The following BCL2L13 variants were observed in gnomAD, a reference collection of about 807,000 sequenced individuals.
BCL2L13 encodes bcl-2-like protein 13.
In BCL2L13, 13 loss-of-function variants were observed where a neutral mutation model predicts 25.8. The ratio of observed to expected loss-of-function variants is 0.50; its 90% CI spans 0.33 to 0.80. The LOEUF is 0.80. Ranked by LOEUF, BCL2L13 falls within the 30% of genes least tolerant of loss-of-function variation. The pLI, the probability that BCL2L13 is intolerant of heterozygous loss-of-function variation, is 0.02. For missense variants in BCL2L13, 504 were observed against 574.9 expected, an observed-to-expected ratio of 0.88 and a Z score of 1.26; for synonymous variants, 244 against 230.3, an observed-to-expected ratio of 1.06 and a Z score of -0.54.
intron 6 of BCL2L13, among the ~76,000 whole-genome samples, chr22:17,714,850 T>C (rs965606925): frequency 3.9e-5 from 6 of 151,944 alleles, no homozygotes; most frequent in Admixed American, 6.6e-5. Context: ...GTACACGTTA[T>C]GTTGCACATA....
At chr22:17,651,529 C>T (rs1428068283) in intron 1 of BCL2L13, among the ~76,000 whole-genome samples, 1 of 150,196 alleles carries the variant, frequency 6.7e-6, no homozygotes, top group Non-Finnish European at 1.5e-5. Flanking sequence ...TTACAGGTGC[C>T]TGCCACTGTG....
Position 17,655,300 on chromosome 22 carries a change from C to CTT in BCL2L13, c.-50-348_-50-347dup, listed in dbSNP as rs71201856. On this transcript the variant is annotated intron_variant, in intron 1 of 6. Coordinates refer to ENST00000317582, the MANE Select transcript of BCL2L13 (RefSeq NM_015367.4). ...ACCTGCCCTGAGGCTTTACAGTTCA[C>CTT]TTTTTTTTTTTTTTTAAATAAGCAG... Among the ~76,000 whole-genome samples the CTT allele has an allele frequency of 3.2e-4, 45 of 138,852 alleles. 1 individual carries two copies. Among genetic ancestry groups the CTT allele is most frequent in the Middle Eastern group, 3.8e-3 (1 of 260 alleles). 91.1% of individuals were successfully genotyped at this position (138,852 alleles called of 152,430 possible).
intron 3 of BCL2L13, among the ~76,000 whole-genome samples, chr22:17,685,524 G>A (rs931991729): frequency 1.3e-5 from 2 of 151,676 alleles, no homozygotes; most frequent in Admixed American, 6.6e-5. Flanking sequence ...GCACCTGGCC[G>A]ACTTAGCATA....
At chr22:17,642,570 C>A (rs537388360) in intron 1 of BCL2L13, among the ~76,000 whole-genome samples, 3 of 151,922 alleles carry the variant, frequency 2.0e-5, no homozygotes, top group Admixed American at 1.3e-4. Context: ...TGTGGACATA[C>A]CACATTTTAA....
intron 1 of BCL2L13, among the ~76,000 whole-genome samples, chr22:17,650,437 T>A (rs542257732): frequency 6.6e-6 from 1 of 152,250 alleles, no homozygotes; most frequent in Non-Finnish European, 1.5e-5. Flanking sequence ...TCTCCTTTAT[T>A]AAAAATAAGG....
At chr22:17,678,112 T>A (rs2059627586) in intron 2 of BCL2L13, among the ~76,000 whole-genome samples, 1 of 152,040 alleles carries the variant, frequency 6.6e-6, no homozygotes, top group Non-Finnish European at 1.5e-5. Context: ...AGCCTCGACC[T>A]CCCAGGCTCA....
chr22:17,691,326 A>G (rs1408220522), intron 4 of BCL2L13, among the ~76,000 whole-genome samples: 1 of 149,322 alleles, frequency 6.7e-6, no homozygotes, highest in Non-Finnish European at 1.5e-5. Context: ...AAAATAATGA[A>G]GTGAAAGGTG....
At chr22:17,635,770 T>C (rs2058093397), upstream of BCL2L13, among the ~76,000 whole-genome samples, 1 of 151,558 alleles carries the variant, frequency 6.6e-6, no homozygotes, top group Non-Finnish European at 1.5e-5. Flanking sequence ...AGTGCAGTGG[T>C]GCGATCTCGG....
chr22:17,644,440 CCT>C (rs1014247768), intron 1 of BCL2L13, among the ~76,000 whole-genome samples: 1 of 150,336 alleles, frequency 6.7e-6, no homozygotes, highest in African/African-American at 2.5e-5. Flanking sequence ...ACGCCATTCT[CCT>C]CTCTCAGCCC....
intron 6 of BCL2L13, among the ~76,000 whole-genome samples, chr22:17,721,453 G>A (rs1048985214): frequency 4.6e-5 from 7 of 150,606 alleles, no homozygotes; most frequent in Non-Finnish European, 1.0e-4. Flanking sequence ...GGGCTTCAGC[G>A]TGGTTAAAAA....
upstream of BCL2L13, among the ~76,000 whole-genome samples, chr22:17,637,499 C>T (rs1190935448): frequency 6.6e-6 from 1 of 151,276 alleles, no homozygotes. Context: ...ATCGGCCTCC[C>T]AAGTAGCTGG....
At chr22:17,707,298 C>G (rs928229389) in intron 6 of BCL2L13, among the ~76,000 whole-genome samples, 5 of 152,140 alleles carry the variant, frequency 3.3e-5, no homozygotes, top group African/African-American at 1.2e-4. Flanking sequence ...GTAATTTCTT[C>G]AGCACTCTCC....
At position 17,638,807 on chromosome 22, in the gene BCL2L13, C is replaced by A; in HGVS notation, c.-130C>A. On this transcript the variant is annotated 5_prime_UTR_variant, in exon 1 of 7. Transcript: ENST00000317582. Reference sequence around the variant, plus strand: ...GATTAGGGCCGCGGGTCGGAGCACTCACCGCCGCTGGGGGACCCTGTCGGA... The same window carrying A: ...GATTAGGGCCGCGGGTCGGAGCACTAACCGCCGCTGGGGGACCCTGTCGGA... The A allele has an allele frequency of 8.1e-7, 1 of 1,231,956 alleles. No homozygotes were observed. The highest frequency in any genetic ancestry group is 1.0e-6 in the Non-Finnish European group (1 of 988,176). The allele number at this position is 1,231,956 out of a possible 1,614,324, so 76.3% of individuals were successfully genotyped here.
chr22:17,706,689 A>C (rs2060601158), intron 6 of BCL2L13: 1 of 1,347,800 alleles, frequency 7.4e-7, no homozygotes, highest in Admixed American at 1.9e-5. Context: ...GTGAGGGCAC[A>C]GACTGGTTCA....
intron 1 of BCL2L13, among the ~76,000 whole-genome samples, chr22:17,630,171 C>T (rs1488590843): frequency 6.9e-6 from 1 of 144,820 alleles, no homozygotes; most frequent in Non-Finnish European, 1.5e-5. Flanking sequence ...GAGCCAAGAT[C>T]GTGCCACTGC....
Position 17,727,364 on chromosome 22 carries a change from GAGA to G in BCL2L13, c.1294_1296del (p.Lys432del), listed in dbSNP as rs770293996. ...TGTGGAAGAGCTGTCCCCTGCCAGC[GAGA>G]AGAAGCCCGTGCCGCCGTCTGAGGG... On this transcript the variant is annotated inframe_deletion, in exon 7 of 7. Coordinates refer to ENST00000317582, the MANE Select transcript of BCL2L13 (RefSeq NM_015367.4). The G allele has an allele frequency of 3.2e-5, 51 of 1,614,222 alleles. No individual in the cohort carries two copies. Among genetic ancestry groups the G allele is most frequent in the Non-Finnish European group, 4.1e-5 (48 of 1,180,040 alleles).
intron 6 of BCL2L13, among the ~76,000 whole-genome samples, chr22:17,715,585 G>A (rs1412040949): frequency 6.6e-6 from 1 of 152,068 alleles, no homozygotes; most frequent in Non-Finnish European, 1.5e-5. Context: ...TGAAACCAGT[G>A]CAACAAAAAT....
intron 6 of BCL2L13, among the ~76,000 whole-genome samples, chr22:17,710,837 A>G (rs1367852476): frequency 1.3e-5 from 2 of 152,144 alleles, no homozygotes; most frequent in African/African-American, 4.8e-5. Flanking sequence ...AGATCGAGCC[A>G]CTGCACTCTA....
chr22:17,671,758 G>A (rs951524453), intron 2 of BCL2L13, among the ~76,000 whole-genome samples: 1 of 152,130 alleles, frequency 6.6e-6, no homozygotes, highest in African/African-American at 2.4e-5. Context: ...TCCCAGGCTG[G>A]AGTGGAGTGC....
Sources: allele counts gnomAD v4.1 joint callset (sites outside exome capture counted in the v4.1 genomes callset), GRCh38; gene constraint gnomAD v4.1.1; transcripts MANE v1.5; gene names NCBI Gene and HGNC (gene_info 2026-07-23, HGNC 2026-07-21).